The following HOXD13 variants were observed in gnomAD, a reference collection of about 807,000 sequenced individuals.
HOXD13 encodes the protein homeobox D13.
Under a neutral mutation model 27.3 loss-of-function variants are expected in HOXD13, and 16 were observed. That is an observed-to-expected ratio of 0.59 (90% CI 0.40 to 0.89). The LOEUF (loss-of-function observed/expected upper bound fraction) is 0.89, where lower values mean the gene tolerates loss of function less well. HOXD13 is among the 40% of genes least tolerant of loss of function. HOXD13 has a pLI of 0.00. For synonymous variants in HOXD13, 241 were observed against 219.0 expected (o/e 1.10, Z -0.89); for missense variants, 481 against 482.6 (o/e 1.00, Z 0.03).
Position 176,092,869 on chromosome 2 carries a change from C to T in HOXD13, c.-22C>T. On this transcript the variant is annotated 5_prime_UTR_variant, in exon 1 of 2. Coordinates refer to ENST00000392539, the MANE Select transcript of HOXD13 (RefSeq NM_000523.4). The stretch of plus-strand genomic sequence containing the variant: ...TCCTGCGCGGGGCCAGGGCCAGGGC[C>T]GGGGCCGGGCCAGGCCGGGCCATGA... 8.2e-7 allele frequency: 1 copy of T among 1,221,624 alleles called. No homozygotes were observed. The highest frequency in any genetic ancestry group is 3.7e-5 in the South Asian group (1 of 27,162). The allele number at this position is 1,221,624 out of a possible 1,614,324, so 75.7% of individuals were successfully genotyped here.
At chr2:176,089,905 T>C (rs1352932793), upstream of HOXD13, among the ~76,000 whole-genome samples, 3 of 152,256 alleles carry the variant, frequency 2.0e-5, no homozygotes, top group Non-Finnish European at 2.9e-5. Flanking sequence ...TAAAAACCCC[T>C]GCATAATGCA....
upstream of HOXD13, among the ~76,000 whole-genome samples, chr2:176,092,414 G>C (rs1689332795): frequency 6.6e-6 from 1 of 151,876 alleles, no homozygotes; most frequent in African/African-American, 2.4e-5. Flanking sequence ...ACAGGGCCTG[G>C]GATGGGCCGT....
At chr2:176,088,232 G>A (rs1011542803), upstream of HOXD13, among the ~76,000 whole-genome samples, 2 of 152,248 alleles carry the variant, frequency 1.3e-5, no homozygotes, top group Non-Finnish European at 2.9e-5. Context: ...TGCAGGTTTC[G>A]CTGCATAAGG....
chr2:176,092,472 G>C (rs1185616105), upstream of HOXD13, among the ~76,000 whole-genome samples: 2 of 151,390 alleles, frequency 1.3e-5, no homozygotes, highest in African/African-American at 4.9e-5. Flanking sequence ...GCCTGGGTCG[G>C]GGGGGAGGGC....
upstream of HOXD13, among the ~76,000 whole-genome samples, chr2:176,089,088 T>C (rs1442454415): frequency 6.6e-6 from 1 of 152,268 alleles, no homozygotes; most frequent in African/African-American, 2.4e-5. Context: ...TGATAAAGCC[T>C]AATCGTGTTG....
At chr2:176,092,186 A>G (rs867634168), upstream of HOXD13, among the ~76,000 whole-genome samples, 1 of 152,132 alleles carries the variant, frequency 6.6e-6, no homozygotes, top group Admixed American at 6.5e-5. Context: ...ACCAGTGCAC[A>G]AGGTAGGGCA....
In HOXD13 at chr2:176,094,436, C is replaced by T. The variant is rs201504145; in HGVS notation, c.782-44C>T. ...ACACACAATCCTCAGCTAGGTGCTC[C>T]GAATATCCCAGCCTAATTTTTCTTG... is the stretch of plus-strand genomic sequence containing the variant. On this transcript the variant is annotated intron_variant, in intron 1 of 1. Transcript: ENST00000392539. The T allele has an allele frequency of 8.1e-6, 13 of 1,602,236 alleles. 1 individual carries two copies. In the South Asian group the frequency reaches 9.9e-5, roughly 12 times the overall value.
At chr2:176,088,058 C>CG (rs1417498832), upstream of HOXD13, among the ~76,000 whole-genome samples, 1 of 152,222 alleles carries the variant, frequency 6.6e-6, no homozygotes, top group Non-Finnish European at 1.5e-5. Flanking sequence ...TCCTCTTACG[C>CG]GGGGGGCTGC....
chr2:176,092,814 A>G lies in HOXD13; in HGVS notation c.-77A>G, dbSNP rs1689340843. On this transcript the variant is annotated 5_prime_UTR_variant, in exon 1 of 2. Coordinates refer to ENST00000392539, the MANE Select transcript of HOXD13 (RefSeq NM_000523.4). ...AGCGAGCGAACCAGAGAGAAAGGAG[A>G]GGAGGGAGGAGGCGCGCCGCGCCAT... The G allele has an allele frequency of 2.1e-6, 2 of 932,956 alleles. No homozygotes were observed. Among genetic ancestry groups the G allele is most frequent in the African/African-American group, 3.5e-5 (2 of 57,594 alleles). 57.8% of individuals were successfully genotyped at this position (932,956 alleles called of 1,614,324 possible).
Position 176,093,312 on chromosome 2 carries a change from C to T in HOXD13, c.422C>T (p.Ser141Leu), listed in dbSNP as rs771851753. ...AACGGCTACTACAGCTGCCGTATGT[C>T]GCACGGCGTGGGCTTACAGCAGAAT... is the stretch of plus-strand genomic sequence containing the variant. ...FGNGYYSCRM[S>L]HGVGLQQNAL... Residue 141 changes from serine (S) to leucine (L), a missense_variant, in exon 1 of 2, where the codon TCG (serine) becomes TTG (leucine). Transcript: ENST00000392539. 16 of 1,612,684 alleles carry T rather than the reference C, an allele frequency of 9.9e-6. No individual in the cohort carries two copies. The highest frequency in any genetic ancestry group is 1.4e-5 in the Non-Finnish European group (16 of 1,179,840).
chr2:176,093,731 A>C, intron 1 of HOXD13, 60 bp downstream of exon 1: 1 of 1,182,982 alleles, frequency 8.5e-7, no homozygotes, highest in Non-Finnish European at 1.2e-6. Flanking sequence ...GGAGAAAAGA[A>C]AGGACTAAGA....
chr2:176,092,850 G>GCGGGGC lies in HOXD13; in HGVS notation c.-39_-34dup, dbSNP rs961016261. The GCGGGGC allele has an allele frequency of 3.4e-6, 4 of 1,178,048 alleles. No homozygotes were observed. The highest frequency in any genetic ancestry group is 4.2e-6 in the Non-Finnish European group (4 of 945,312). The allele number at this position is 1,178,048 out of a possible 1,614,324, so 73.0% of individuals were successfully genotyped here. A position where few individuals can be genotyped will look rare whatever the true frequency, so the allele number is the denominator to read the frequency against. On this transcript the variant is annotated 5_prime_UTR_variant, in exon 1 of 2. Coordinates refer to ENST00000392539, the MANE Select transcript of HOXD13 (RefSeq NM_000523.4). The stretch of plus-strand genomic sequence containing the variant: ...GGCGCGCCGCGCCATGGTGTCCTGC[G>GCGGGGC]CGGGGCCAGGGCCAGGGCCGGGGCC...
Position 176,094,740 on chromosome 2 carries a change from G to C in HOXD13, c.*10G>C, listed in dbSNP as rs1689386977. On this transcript the variant is annotated 3_prime_UTR_variant, in exon 2 of 2. Coordinates refer to ENST00000392539, the MANE Select transcript of HOXD13 (RefSeq NM_000523.4). ...AGATACTGTCTCCTGATGTGGTCCAGGTTGGCCACAGACAGCTTAGAAGCC... is the reference window on the plus strand; with the variant it reads ...AGATACTGTCTCCTGATGTGGTCCACGTTGGCCACAGACAGCTTAGAAGCC... 1.2e-6 allele frequency: 2 copies of C among 1,613,614 alleles called. No homozygotes were observed. The highest frequency in any genetic ancestry group is 1.7e-6 in the Non-Finnish European group (2 of 1,179,606).
chr2:176,094,841 C>A lies in HOXD13; in HGVS notation c.*111C>A. On this transcript the variant is annotated 3_prime_UTR_variant, in exon 2 of 2. Transcript: ENST00000392539. ...TCCCCCCACCCCCTGCCAATGGTGGCAAATTTTGTGAATTGTTTTTCTCTC... is the reference window on the plus strand; with the variant it reads ...TCCCCCCACCCCCTGCCAATGGTGGAAAATTTTGTGAATTGTTTTTCTCTC... The A allele has an allele frequency of 1.1e-6, 1 of 944,112 alleles. No homozygotes were observed. The highest frequency in any genetic ancestry group is 1.7e-6 in the Non-Finnish European group (1 of 590,018). 58.5% of individuals were successfully genotyped at this position (944,112 alleles called of 1,614,324 possible). A position where few individuals can be genotyped will look rare whatever the true frequency, so the allele number is the denominator to read the frequency against.
In HOXD13 at chr2:176,094,385, G is replaced by GCACA. The variant is rs10649769; in HGVS notation, c.782-66_782-63dup. On this transcript the variant is annotated intron_variant, in intron 1 of 1. Coordinates refer to ENST00000392539, the MANE Select transcript of HOXD13 (RefSeq NM_000523.4). ...AAAAATTTCCTGCACCCCTGCAAAC[G>GCACA]CACACACACACACACACACACACAC... The GCACA allele has an allele frequency of 0.035, 41,759 of 1,198,530 alleles. 546 individuals carry two copies. The highest frequency in any genetic ancestry group is 0.18 in the East Asian group (7,509 of 40,592). 74.2% of individuals were successfully genotyped at this position (1,198,530 alleles called of 1,614,324 possible). A position where few individuals can be genotyped will look rare whatever the true frequency, so the allele number is the denominator to read the frequency against.
At chr2:176,088,058 CG>C (rs1417498832), upstream of HOXD13, among the ~76,000 whole-genome samples, 1 of 152,222 alleles carries the variant, frequency 6.6e-6, no homozygotes, top group Non-Finnish European at 1.5e-5. Flanking sequence ...TCCTCTTACG[CG>C]GGGGGCTGCG....
chr2:176,088,759 AG>A (rs1689279547), upstream of HOXD13, among the ~76,000 whole-genome samples: 1 of 152,210 alleles, frequency 6.6e-6, no homozygotes, highest in Non-Finnish European at 1.5e-5. Context: ...GTGTATTCCA[AG>A]GACAACCCCT....
upstream of HOXD13, among the ~76,000 whole-genome samples, chr2:176,091,852 A>G (rs1574942237): frequency 6.6e-6 from 1 of 152,068 alleles, no homozygotes; most frequent in South Asian, 2.1e-4. Context: ...TCACGGTGGG[A>G]GGCTGAGTGG....
chr2:176,091,070 C>T (rs1469264512), upstream of HOXD13, among the ~76,000 whole-genome samples: 2 of 152,210 alleles, frequency 1.3e-5, no homozygotes, highest in Non-Finnish European at 2.9e-5. Context: ...CTTTTCCTTT[C>T]CAACACCCCT....
Sources: allele counts gnomAD v4.1 joint callset (sites outside exome capture counted in the v4.1 genomes callset), GRCh38; gene constraint gnomAD v4.1.1; transcripts MANE v1.5; gene names NCBI Gene and HGNC (gene_info 2026-07-23, HGNC 2026-07-21).